Variants in TRPV3 observed in about 807,000 individuals in gnomAD.
TRPV3 encodes the protein VRL-3.
A neutral mutation model predicts 87.1 loss-of-function variants in TRPV3; 88 were observed. That is an observed-to-expected ratio of 1.01 (90% CI 0.85 to 1.21). The LOEUF (loss-of-function observed/expected upper bound fraction) is 1.21, where lower values mean the gene tolerates loss of function less well. Ranked by LOEUF, TRPV3 falls within the 50% of genes most tolerant of loss-of-function variation. The pLI, the probability that TRPV3 is intolerant of heterozygous loss-of-function variation, is 0.00. For missense variants in TRPV3, 1,054 were observed against 1,030.1 expected, an observed-to-expected ratio of 1.02 and a Z score of -0.32; for synonymous variants, 438 against 423.3, an observed-to-expected ratio of 1.03 and a Z score of -0.43.
chr17:3,547,196 G>A (rs1325821712), intron 2 of TRPV3, among the ~76,000 whole-genome samples: 2 of 152,212 alleles, frequency 1.3e-5, no homozygotes, highest in Admixed American at 6.5e-5. Context: ...CGCCTTCTGA[G>A]GGGCCGTCCC....
At chr17:3,525,298 G>T (rs1357150076) in intron 12 of TRPV3, among the ~76,000 whole-genome samples, 1 of 152,226 alleles carries the variant, frequency 6.6e-6, no homozygotes, top group African/African-American at 2.4e-5. Flanking sequence ...GGGATTACAG[G>T]CGTGAGCCAA....
At chr17:3,552,005 C>A (rs1469937538) in intron 2 of TRPV3, among the ~76,000 whole-genome samples, 1 of 149,208 alleles carries the variant, frequency 6.7e-6, no homozygotes, top group East Asian at 2.0e-4. Context: ...GCCTCAGCCT[C>A]CCAAGTAGCT....
chr17:3,529,888 C>T, intron 9 of TRPV3, 139 bp downstream of exon 9: 2 of 906,910 alleles, frequency 2.2e-6, no homozygotes, highest in Non-Finnish European at 3.2e-6. Flanking sequence ...TGACTCTGCT[C>T]ACTGAGGCAA....
chr17:3,546,436 T>C (rs1484152592), intron 2 of TRPV3, among the ~76,000 whole-genome samples: 2 of 150,928 alleles, frequency 1.3e-5, no homozygotes, highest in Non-Finnish European at 3.0e-5. Flanking sequence ...AGCGAGACTC[T>C]ATCTCAAAAA....
At position 3,524,324 on chromosome 17, in the gene TRPV3, C is replaced by G. The variant is rs1567633147; in HGVS notation, c.1617G>C (p.Leu539Phe). ...QAVLVILSVFLYLFAYKEYLA... is the reference protein window; with the variant it reads ...QAVLVILSVFFYLFAYKEYLA... ...GGTACTCTTTGTAGGCAAACAAGTA[C>G]AAGAAGACAGACAGTATCACAAGCA... The change falls in exon 13 of 18, where the codon TTG (leucine) becomes TTC (phenylalanine). Residue 539 changes from leucine (L) to phenylalanine (F), a missense_variant. Coordinates refer to ENST00000576742, the MANE Select transcript of TRPV3 (RefSeq NM_145068.4). The G allele has an allele frequency of 6.2e-7, 1 of 1,614,240 alleles. No individual in the cohort carries two copies.
chr17:3,522,584 C>T (rs2150783577), intron 13 of TRPV3, among the ~76,000 whole-genome samples: 1 of 144,604 alleles, frequency 6.9e-6, no homozygotes, highest in East Asian at 2.1e-4. Context: ...CTTTGGGAGG[C>T]CGAGGCGGAC....
intron 6 of TRPV3, chr17:3,539,783 G>A (rs890492011): frequency 2.0e-5 from 3 of 152,086 alleles, no homozygotes; most frequent in Non-Finnish European, 4.4e-5. Flanking sequence ...TAATAAAAAT[G>A]TCTTAATTGA....
intron 17 of TRPV3, 45 bp from the exon 18 acceptor site, chr17:3,514,056 A>G (rs754114948): frequency 2.8e-6 from 4 of 1,453,606 alleles, no homozygotes; most frequent in Admixed American, 2.1e-5. Context: ...ATCACTCTGC[A>G]TAGTGTGTTT....
Position 3,528,066 on chromosome 17 carries a change from T to A in TRPV3, c.1462A>T (p.Met488Leu). The change falls in exon 11 of 18, where the codon ATG (methionine) becomes TTG (leucine). Residue 488 changes from methionine (M) to leucine (L), a missense_variant. Physicochemically the swap from Met to Leu is conservative, Grantham distance 15. Transcript: ENST00000576742. The surrounding 1 kb of genome is among the most constrained non-coding windows in gnomAD (Gnocchi z 4.2). ...CACATGGCCCAGATGAGCACAAACA[T>A]CCTCCCTAGGAGCTGCAGCCACCCC... The part of the protein sequence containing the change: ...KMGWLQLLGR[M>L]FVLIWAMCIS... 1 of 1,613,496 alleles carries A rather than the reference T, an allele frequency of 6.2e-7. No individual in the cohort carries two copies. Among genetic ancestry groups the A allele is most frequent in the African/African-American group, 1.3e-5 (1 of 74,938 alleles).
rs113061361 is a variant in TRPV3 at position 3,542,780 on chromosome 17, A to G, written c.467-82T>C. 8.9e-6 allele frequency: 13 copies of G among 1,459,690 alleles called. No individual in the cohort carries two copies. In the African/African-American group the frequency reaches 9.8e-5, roughly 11 times the overall value. The allele number at this position is 1,459,690 out of a possible 1,614,324, so 90.4% of individuals were successfully genotyped here. A position where few individuals can be genotyped will look rare whatever the true frequency, so the allele number is the denominator to read the frequency against. ...CCAGCCCAGAGGGTGTGGTTGCTGC[A>G]GCCGCAGACCCCAAGCCCCTGCTCC... On this transcript the variant is annotated intron_variant, in intron 5 of 17. Transcript: ENST00000576742.
chr17:3,524,072 G>A (rs1178884645), intron 13 of TRPV3, 126 bp downstream of exon 13: 3 of 1,251,404 alleles, frequency 2.4e-6, no homozygotes, highest in Non-Finnish European at 3.3e-6. Flanking sequence ...GGAGTGCATG[G>A]CATTTGGGAG....
intron 9 of TRPV3, 101 bp from the exon 10 acceptor site, chr17:3,529,096 GC>G: frequency 7.4e-7 from 1 of 1,346,234 alleles, no homozygotes; most frequent in Non-Finnish European, 1.0e-6. Context: ...TGCAGAAGGG[GC>G]CCATCATTAT....
At chr17:3,525,910 C>T (rs558657769) in intron 12 of TRPV3, among the ~76,000 whole-genome samples, 1 of 152,154 alleles carries the variant, frequency 6.6e-6, no homozygotes, top group East Asian at 1.9e-4. Context: ...CCATCGTGCC[C>T]GGCCCACAGT....
Position 3,544,603 on chromosome 17 carries a change from G to A in TRPV3, c.287C>T (p.Thr96Ile), listed in dbSNP as rs372506343. Residue 96 changes from threonine (T) to isoleucine (I), a missense_variant, in exon 4 of 18, where the codon ACC becomes ATC. By Grantham distance (89) the Thr-to-Ile change is moderately conservative. Coordinates refer to ENST00000576742, the MANE Select transcript of TRPV3 (RefSeq NM_145068.4). ...PQSPQDDVTE[T>I]PSNPNSPSAQ... ...CCTGGGGCTGTTGGGATTGGATGGG[G>A]TCTCTGTCACATCATCCTGAGGAGA... 5.0e-6 allele frequency: 8 copies of A among 1,607,818 alleles called. No homozygotes were observed. The South Asian group carries it at 5.5e-5, about 11-fold the overall frequency.
In TRPV3 at chr17:3,530,025, A is replaced by C; in HGVS notation, c.1242+2T>G. ...CCTTCCCCGCCTGTGCAGGAGACCC[A>C]CGTCGATGTTGGTGTTGTAGACAGT... On this transcript the variant is annotated splice_donor_variant, in intron 9 of 17. Coordinates refer to ENST00000576742, the MANE Select transcript of TRPV3 (RefSeq NM_145068.4). LOFTEE classifies it high-confidence loss of function. This position sits in a 1 kb window ranked among gnomAD's most constrained non-coding sequence, Gnocchi z 4.0. 1 of 1,610,550 alleles carries C rather than the reference A, an allele frequency of 6.2e-7. No homozygotes were observed. The highest frequency in any genetic ancestry group is 1.7e-5 in the Admixed American group (1 of 59,798).
intron 6 of TRPV3, among the ~76,000 whole-genome samples, chr17:3,540,282 G>A (rs1260503614): frequency 3.3e-5 from 5 of 152,020 alleles, no homozygotes; most frequent in Non-Finnish European, 5.9e-5. Context: ...CCTCTGCTCC[G>A]GGTGGAGGAA....
In TRPV3 at chr17:3,513,836, T is replaced by C. The variant is rs2074144971; in HGVS notation, c.*81A>G. On this transcript the variant is annotated 3_prime_UTR_variant, in exon 18 of 18. Transcript: ENST00000576742. ...CAGCAGAGCCGGACTCCACCATCCC[T>C]CAAAGCCTCTCTGCACAGAGTCGGT... 10 of 1,259,308 alleles carry C rather than the reference T, an allele frequency of 7.9e-6. No homozygotes were observed. The highest frequency in any genetic ancestry group is 1.0e-5 in the Non-Finnish European group (9 of 872,796). The allele number at this position is 1,259,308 out of a possible 1,614,324, so 78.0% of individuals were successfully genotyped here. A position where few individuals can be genotyped will look rare whatever the true frequency, so the allele number is the denominator to read the frequency against.
At chr17:3,547,126 T>C (rs921684522) in intron 2 of TRPV3, among the ~76,000 whole-genome samples, 1 of 152,178 alleles carries the variant, frequency 6.6e-6, no homozygotes, top group African/African-American at 2.4e-5. Flanking sequence ...AAGATGGTAC[T>C]GGGAGCTAGG....
chr17:3,541,128 G>A (rs1348416416), intron 6 of TRPV3, among the ~76,000 whole-genome samples: 1 of 152,196 alleles, frequency 6.6e-6, no homozygotes, highest in African/African-American at 2.4e-5. Context: ...CACTTTGGGA[G>A]GTGAAGGCAG....
Sources: gnomAD v4.1 joint callset for allele counts (sites outside exome capture counted in the v4.1 genomes callset) on GRCh38, gnomAD v4.1.1 for gene constraint, Gnocchi (gnomAD v3.1) non-coding constraint, MANE v1.5 for transcripts, NCBI Gene and HGNC (gene_info 2026-07-23, HGNC 2026-07-21) for gene names.